The following SLC3A1 variants were observed in gnomAD, a reference collection of about 807,000 sequenced individuals.
SLC3A1 encodes the protein amino acid transporter heavy chain SLC3A1.
In SLC3A1, 78 loss-of-function variants were observed where a neutral mutation model predicts 60.3. The observed-to-expected ratio is 1.29, with a 90% confidence interval of 1.08 to 1.56. The LOEUF (loss-of-function observed/expected upper bound fraction) is 1.56, where lower values mean the gene tolerates loss of function less well. Among genes scored for constraint, SLC3A1 ranks in the 40% most tolerant of loss-of-function variants. The probability of loss-of-function intolerance (pLI) is 0.00; values close to 1 mark genes in which losing one functional copy is unlikely to be tolerated. For missense variants in SLC3A1, 1,172 were observed against 858.9 expected (o/e 1.36, Z -4.56); for synonymous variants, 392 against 307.9 (o/e 1.27, Z -2.86).
chr2:44,287,173 G>A (rs1287552596), intron 4 of SLC3A1, among the ~76,000 whole-genome samples: 2 of 152,262 alleles, frequency 1.3e-5, no homozygotes, highest in Admixed American at 6.5e-5. Context: ...GGGGAAAGCA[G>A]GCAATTAGCC....
At chr2:44,291,288 C>T (rs1671735198) in intron 4 of SLC3A1, among the ~76,000 whole-genome samples, 1 of 152,146 alleles carries the variant, frequency 6.6e-6, no homozygotes, top group Admixed American at 6.5e-5. Context: ...TTTTTCCAGG[C>T]TCCTTGTGGC....
chr2:44,282,615 G>T (rs900572656), intron 3 of SLC3A1, among the ~76,000 whole-genome samples: 1 of 152,052 alleles, frequency 6.6e-6, no homozygotes, highest in Admixed American at 6.6e-5. Context: ...AAATTTTTTA[G>T]TGTGGACCAT....
At position 44,275,604 on chromosome 2, in the gene SLC3A1, G is replaced by C. The variant is rs368948196; in HGVS notation, c.69G>C (p.Gly23=). The C allele has an allele frequency of 4.3e-6, 7 of 1,614,148 alleles. No homozygotes were observed. The highest frequency in any genetic ancestry group is 5.9e-6 in the Non-Finnish European group (7 of 1,180,020). ...MSMKGCQTNN[G]FVHNEDILEQ... ...TGAAGGGATGCCAGACAAACAACGGGTTTGTCCATAATGAAGACATTCTGG... is the reference window on the plus strand; with the variant it reads ...TGAAGGGATGCCAGACAAACAACGGCTTTGTCCATAATGAAGACATTCTGG... The change falls in exon 1 of 10, where the codon GGG becomes GGC. Residue 23 remains glycine, a synonymous_variant. Coordinates refer to ENST00000260649, the MANE Select transcript of SLC3A1 (RefSeq NM_000341.4).
At position 44,321,065 on chromosome 2, in the gene SLC3A1, G is replaced by C; in HGVS notation, c.*426G>C. ...AACTGCTCAACTGTTCTGACTGGAA[G>C]GGAGGCCTGGAGCTCTGCTATCACC... is the stretch of plus-strand genomic sequence containing the variant. On this transcript the variant is annotated 3_prime_UTR_variant, in exon 10 of 10. Coordinates refer to ENST00000260649, the MANE Select transcript of SLC3A1 (RefSeq NM_000341.4). 1 of 415,510 alleles carries C rather than the reference G, an allele frequency of 2.4e-6. No individual in the cohort carries two copies. The allele number at this position is 415,510 out of a possible 1,614,324, so 25.7% of individuals were successfully genotyped here.
chr2:44,276,858 C>T (rs972943429), intron 1 of SLC3A1, among the ~76,000 whole-genome samples: 3 of 152,058 alleles, frequency 2.0e-5, no homozygotes, highest in Non-Finnish European at 4.4e-5. Context: ...AACTTCTGAG[C>T]AAATTGGTTG....
At chr2:44,313,810 T>C (rs370284917) in intron 8 of SLC3A1, 25 bp from the exon 9 acceptor site, 15 of 1,553,686 alleles carry the variant, frequency 9.7e-6, no homozygotes, top group Non-Finnish European at 1.3e-5. Context: ...AACCACTGTT[T>C]TCCCTTTCTG....
chr2:44,289,816 G>A (rs1392554076), intron 4 of SLC3A1, among the ~76,000 whole-genome samples: 1 of 151,744 alleles, frequency 6.6e-6, no homozygotes, highest in African/African-American at 2.4e-5. Context: ...ATTTTTAGTA[G>A]AGACGCGTTT....
Position 44,280,886 on chromosome 2 carries a change from C to G in SLC3A1, c.601C>G (p.His201Asp). ...EDFENLVAAI[H>D]DKGLKLIIDF... is the part of the protein sequence containing the mutation. ...TTTTGAGAATCTGGTTGCAGCCATA[C>G]ATGATAAAGGTAAGTTGAATGGAAA... Residue 201 changes from histidine (H) to aspartate (D), a missense_variant, in exon 2 of 10, where the codon CAT (histidine) becomes GAT (aspartate). Transcript: ENST00000260649. 1 of 1,613,938 alleles carries G rather than the reference C, an allele frequency of 6.2e-7. No individual in the cohort carries two copies. The highest frequency in any genetic ancestry group is 1.1e-5 in the South Asian group (1 of 91,078).
At chr2:44,309,950 G>A (rs1672252898) in intron 7 of SLC3A1, among the ~76,000 whole-genome samples, 1 of 151,448 alleles carries the variant, frequency 6.6e-6, no homozygotes, top group Non-Finnish European at 1.5e-5. Flanking sequence ...GGAGCACTGT[G>A]GTGTGAACAT....
At position 44,321,379 on chromosome 2, in the gene SLC3A1, G is replaced by C; in HGVS notation, c.*740G>C. On this transcript the variant is annotated 3_prime_UTR_variant, in exon 10 of 10. Coordinates refer to ENST00000260649, the MANE Select transcript of SLC3A1 (RefSeq NM_000341.4). Reference sequence around the variant, plus strand: ...TTTCAGAATTTCAGGTATTTCTTAAGATCCTCGAAAACACTGGTGCTGTCA... The same window carrying C: ...TTTCAGAATTTCAGGTATTTCTTAACATCCTCGAAAACACTGGTGCTGTCA... 6.2e-7 allele frequency: 1 copy of C among 1,610,648 alleles called. No individual in the cohort carries two copies. The highest frequency in any genetic ancestry group is 2.2e-5 in the East Asian group (1 of 44,830).
intron 3 of SLC3A1, 50 bp downstream of exon 3, chr2:44,281,591 G>C (rs754682537): frequency 4.5e-6 from 7 of 1,552,418 alleles, no homozygotes; most frequent in Admixed American, 1.7e-5. Flanking sequence ...CAGATATGTA[G>C]TGATTGAACT....
At chr2:44,299,202 C>G (rs1393852982) in intron 4 of SLC3A1, among the ~76,000 whole-genome samples, 1 of 152,024 alleles carries the variant, frequency 6.6e-6, no homozygotes, top group Non-Finnish European at 1.5e-5. Context: ...CCATGCCTGG[C>G]TACTTTTTGT....
chr2:44,280,180 GA>G (rs1013018424), intron 1 of SLC3A1, among the ~76,000 whole-genome samples: 1 of 152,074 alleles, frequency 6.6e-6, no homozygotes, highest in Non-Finnish European at 1.5e-5. Context: ...AAGTCACAGA[GA>G]TTTTTTTTAA....
At chr2:44,295,521 G>C (rs1021772354) in intron 4 of SLC3A1, among the ~76,000 whole-genome samples, 2 of 152,134 alleles carry the variant, frequency 1.3e-5, no homozygotes, top group African/African-American at 4.8e-5. Context: ...TATTTTTCAA[G>C]AGCAAACTTT....
In SLC3A1 at chr2:44,320,639, G is replaced by C. The variant is rs1157520942; in HGVS notation, c.2058G>C (p.Ter686TyrextTer4). 12 of 1,612,614 alleles carry C rather than the reference G, an allele frequency of 7.4e-6. No individual in the cohort carries two copies. Among genetic ancestry groups the C allele is most frequent in the African/African-American group, 2.7e-5 (2 of 74,854 alleles). ...TGAACATACTGTATACCTCGTGTTA[G>C]GCACCTTTATGAAGAGATGAAGACA... ...SVLNILYTSC[*>Y] The change falls in exon 10 of 10, where the codon TAG (stop) becomes TAC (tyrosine). Residue 686 changes from the stop codon to tyrosine, a stop_lost. Coordinates refer to ENST00000260649, the MANE Select transcript of SLC3A1 (RefSeq NM_000341.4).
At chr2:44,316,498 T>C (rs1324539718) in intron 9 of SLC3A1, 6 of 152,136 alleles carry the variant, frequency 3.9e-5, no homozygotes, top group Admixed American at 1.3e-4. Flanking sequence ...ACATGGAAGA[T>C]AGATACAGAA....
intron 7 of SLC3A1, among the ~76,000 whole-genome samples, chr2:44,311,579 G>C (rs1672298777): frequency 6.6e-6 from 1 of 152,034 alleles, no homozygotes; most frequent in Non-Finnish European, 1.5e-5. Context: ...AGGGTTTCTT[G>C]TCAGAAGATC....
At chr2:44,310,265 A>C (rs746405724) in intron 7 of SLC3A1, among the ~76,000 whole-genome samples, 73 of 152,182 alleles carry the variant, frequency 4.8e-4, no homozygotes, top group Admixed American at 6.5e-5. Flanking sequence ...TCCGTTTTAC[A>C]TTCCCATCAG....
chr2:44,306,189 A>G (rs1442032958), intron 7 of SLC3A1, among the ~76,000 whole-genome samples: 1 of 152,138 alleles, frequency 6.6e-6, no homozygotes, highest in East Asian at 1.9e-4. Context: ...TACCCCCACA[A>G]TACCTGTAGG....
Sources: gnomAD v4.1 joint callset for allele counts (sites outside exome capture counted in the v4.1 genomes callset) on GRCh38, gnomAD v4.1.1 for gene constraint, MANE v1.5 for transcripts, NCBI Gene and HGNC (gene_info 2026-07-23, HGNC 2026-07-21) for gene names.